The following SUSD5 variants were observed in gnomAD, a reference collection of about 807,000 sequenced individuals.
The protein encoded by SUSD5 is sushi domain-containing protein 5.
In SUSD5, 33 loss-of-function variants were observed where a neutral mutation model predicts 29.5. The ratio of observed to expected loss-of-function variants is 1.12; its 90% CI spans 0.85 to 1.49. The LOEUF is 1.49. Ranked by LOEUF, SUSD5 falls within the 40% of genes most tolerant of loss-of-function variation. The probability of loss-of-function intolerance (pLI) is 0.00; values close to 1 mark genes in which losing one functional copy is unlikely to be tolerated. For synonymous variants in SUSD5, 308 were observed against 325.3 expected (o/e 0.95, Z 0.57); for missense variants, 776 against 800.6 (o/e 0.97, Z 0.37).
chr3:33,177,540 ACT>A (rs200125379), intron 3 of SUSD5, among the ~76,000 whole-genome samples: 2,297 of 152,030 alleles, frequency 0.015, 55 homozygotes, highest in African/African-American at 0.052. Flanking sequence ...ATAGGGTCTC[ACT>A]CTGTCGCCCA....
chr3:33,168,960 G>A (rs1193805952), intron 4 of SUSD5, among the ~76,000 whole-genome samples: 1 of 151,828 alleles, frequency 6.6e-6, no homozygotes, highest in East Asian at 2.0e-4. Flanking sequence ...AGACATGCCT[G>A]GTTTTAAACC....
Position 33,202,058 on chromosome 3 carries a change from A to ATCTATCTATCTG in SUSD5, c.409+5749_409+5750insCAGATAGATAGA, listed in dbSNP as rs1398226837. Among the ~76,000 whole-genome samples the ATCTATCTATCTG allele has an allele frequency of 3.0e-3, 324 of 109,568 alleles. 2 individuals are homozygous for ATCTATCTATCTG. Among genetic ancestry groups the ATCTATCTATCTG allele is most frequent in the African/African-American group, 0.012 (270 of 22,380 alleles). The allele number at this position is 109,568 out of a possible 152,430, so 71.9% of individuals were successfully genotyped here. On this transcript the variant is annotated intron_variant, in intron 3 of 4. Transcript: ENST00000309558. ...TATCTATCTATCTATCTATCTATCT[A>ATCTATCTATCTG]TCTGTCTATCTATCTATCTATCATC... is the stretch of plus-strand genomic sequence containing the variant.
In SUSD5 at chr3:33,167,937, C is replaced by G. The variant is rs1053029240; in HGVS notation, c.598+6949G>C. Among the ~76,000 whole-genome samples, 4 of 152,202 alleles carry G rather than the reference C, an allele frequency of 2.6e-5. No individual in the cohort carries two copies. Among genetic ancestry groups the G allele is most frequent in the African/African-American group, 9.7e-5 (4 of 41,442 alleles). The stretch of plus-strand genomic sequence containing the variant: ...AAACCTGTGCTAACACAACATGGGG[C>G]CTTCTGATTTAGACAAACAAGTCTA... On this transcript the variant is annotated intron_variant, in intron 4 of 4. Transcript: ENST00000309558. The surrounding 1 kb of genome is among the most constrained non-coding windows in gnomAD (Gnocchi z 4.1).
chr3:33,179,540 T>C (rs926472333), intron 3 of SUSD5, among the ~76,000 whole-genome samples: 4 of 152,234 alleles, frequency 2.6e-5, no homozygotes, highest in African/African-American at 9.6e-5. Context: ...CTCTCTGGAA[T>C]ATAGGTCTTA....
At chr3:33,164,765 G>A (rs2031270133) in intron 4 of SUSD5, among the ~76,000 whole-genome samples, 1 of 152,040 alleles carries the variant, frequency 6.6e-6, no homozygotes, top group Non-Finnish European at 1.5e-5. Flanking sequence ...CATATGAAAA[G>A]GTGCTTAACA....
intron 2 of SUSD5, among the ~76,000 whole-genome samples, chr3:33,210,580 T>A (rs1392606977): frequency 6.6e-6 from 1 of 152,214 alleles, no homozygotes. Flanking sequence ...CATAGAGATA[T>A]AGGGCAGATG....
At position 33,152,640 on chromosome 3, in the gene SUSD5, T is replaced by G; in HGVS notation, c.*102A>C. On this transcript the variant is annotated 3_prime_UTR_variant, in exon 5 of 5. Transcript: ENST00000309558. ...AAACAAAGGGCTGAGGAAAAAATGATGAGCCTCAGTCCACCTGCGTCATGC... is the reference window on the plus strand; with the variant it reads ...AAACAAAGGGCTGAGGAAAAAATGAGGAGCCTCAGTCCACCTGCGTCATGC... 1.6e-6 allele frequency: 2 copies of G among 1,282,156 alleles called. No individual in the cohort carries two copies. The highest frequency in any genetic ancestry group is 2.1e-6 in the Non-Finnish European group (2 of 942,546). 79.4% of individuals were successfully genotyped at this position (1,282,156 alleles called of 1,614,324 possible).
chr3:33,156,027 T>C (rs553769843), intron 4 of SUSD5, among the ~76,000 whole-genome samples: 2 of 152,222 alleles, frequency 1.3e-5, no homozygotes, highest in South Asian at 4.2e-4. Flanking sequence ...TATTTTATAA[T>C]TAAGTTCAAA....
rs1575542167 is a variant in SUSD5, at chr3:33,199,501, C to T, written c.409+8307G>A. 2.0e-5 allele frequency among the ~76,000 whole-genome samples: 3 copies of T among 152,298 alleles called. No homozygotes were observed. The South Asian group carries it at 6.2e-4, about 32-fold the overall frequency. On this transcript the variant is annotated intron_variant, in intron 3 of 4. Transcript: ENST00000309558. ...TGTTAGCCAGGACGGTCTCGATCTC[C>T]TGACCTCGTGATCCGCCCGCCTCGG...
chr3:33,202,080 CATCT>C lies in SUSD5; in HGVS notation c.409+5724_409+5727del, dbSNP rs376458574. 6.7e-3 allele frequency among the ~76,000 whole-genome samples: 914 copies of C among 136,766 alleles called. 5 individuals carry two copies. Among genetic ancestry groups the C allele is most frequent in the African/African-American group, 0.023 (847 of 37,014 alleles). 89.7% of individuals were successfully genotyped at this position (136,766 alleles called of 152,430 possible). A position where few individuals can be genotyped will look rare whatever the true frequency, so the allele number is the denominator to read the frequency against. ...TCTATCTGTCTATCTATCTATCTAT[CATCT>C]ATCTATCATCTATCTGAAGCACCCA... On this transcript the variant is annotated intron_variant, in intron 3 of 4. Coordinates refer to ENST00000309558, the MANE Select transcript of SUSD5 (RefSeq NM_015551.2).
At chr3:33,186,512 C>T (rs1367147874) in intron 3 of SUSD5, among the ~76,000 whole-genome samples, 4 of 151,280 alleles carry the variant, frequency 2.6e-5, no homozygotes, top group African/African-American at 4.8e-5. Context: ...CTGCAACCTC[C>T]GCCTCCCCGG....
At chr3:33,154,271 C>A (rs1290172314) in intron 4 of SUSD5, among the ~76,000 whole-genome samples, 2 of 152,104 alleles carry the variant, frequency 1.3e-5, no homozygotes, top group African/African-American at 2.4e-5. Context: ...ACTTGTAATC[C>A]CAGCACTTTG....
intron 4 of SUSD5, among the ~76,000 whole-genome samples, chr3:33,170,063 G>A (rs1004044934): frequency 1.3e-5 from 2 of 151,836 alleles, no homozygotes; most frequent in Admixed American, 6.6e-5. Flanking sequence ...GACTACAGGC[G>A]CAATGCCACC....
intron 2 of SUSD5, 95 bp downstream of exon 2, chr3:33,213,833 C>T: frequency 7.5e-7 from 1 of 1,340,796 alleles, no homozygotes; most frequent in Non-Finnish European, 1.0e-6. Flanking sequence ...TGTACTCTGC[C>T]TGTATGGTAC....
rs541795322 is a variant in SUSD5 at position 33,202,055 on chromosome 3, T to A, written c.409+5753A>T. The stretch of plus-strand genomic sequence containing the variant: ...ATCTATCTATCTATCTATCTATCTA[T>A]CTATCTGTCTATCTATCTATCTATC... On this transcript the variant is annotated intron_variant, in intron 3 of 4. Coordinates refer to ENST00000309558, the MANE Select transcript of SUSD5 (RefSeq NM_015551.2). 3.7e-5 allele frequency among the ~76,000 whole-genome samples: 4 copies of A among 108,340 alleles called. No homozygotes were observed. In the South Asian group the frequency reaches 8.9e-4, roughly 24 times the overall value. The allele number at this position is 108,340 out of a possible 152,430, so 71.1% of individuals were successfully genotyped here. A position where few individuals can be genotyped will look rare whatever the true frequency, so the allele number is the denominator to read the frequency against.
At chr3:33,154,953 G>A (rs2031016754) in intron 4 of SUSD5, among the ~76,000 whole-genome samples, 1 of 152,192 alleles carries the variant, frequency 6.6e-6, no homozygotes, top group African/African-American at 2.4e-5. Context: ...TTATGGAAAT[G>A]CAATGTAAGA....
intron 4 of SUSD5, among the ~76,000 whole-genome samples, chr3:33,166,542 C>T (rs2031308427): frequency 6.6e-6 from 1 of 152,166 alleles, no homozygotes; most frequent in Non-Finnish European, 1.5e-5. Context: ...ACTGACCACA[C>T]CACCCTGCTC....
chr3:33,209,887 C>CTA (rs2032291418), intron 2 of SUSD5, among the ~76,000 whole-genome samples: 1 of 152,072 alleles, frequency 6.6e-6, no homozygotes, highest in African/African-American at 2.4e-5. Flanking sequence ...TTTTTCATGT[C>CTA]TAGAGTTTCC....
chr3:33,159,900 T>C (rs1464511057), intron 4 of SUSD5, among the ~76,000 whole-genome samples: 3 of 152,196 alleles, frequency 2.0e-5, no homozygotes, highest in Non-Finnish European at 4.4e-5. Flanking sequence ...TAAAGAAGAC[T>C]GGACAAGCGT....
Sources: gnomAD v4.1 joint callset for allele counts (sites outside exome capture counted in the v4.1 genomes callset) on GRCh38, gnomAD v4.1.1 for gene constraint, Gnocchi (gnomAD v3.1) non-coding constraint, MANE v1.5 for transcripts, NCBI Gene and HGNC (gene_info 2026-07-23, HGNC 2026-07-21) for gene names.